Variants in GRHL2 observed in about 807,000 individuals in gnomAD.
GRHL2 encodes grainyhead like transcription factor 2.
A neutral mutation model predicts 83.8 loss-of-function variants in GRHL2; 21 were observed. That is an observed-to-expected ratio of 0.25 (90% CI 0.18 to 0.36). The LOEUF is 0.36. Among genes scored for constraint, GRHL2 ranks in the 10% least tolerant of loss-of-function variants. GRHL2 has a pLI of 1.00. For missense variants in GRHL2, 623 were observed against 781.8 expected (o/e 0.80, Z 2.42); for synonymous variants, 280 against 278.9 (o/e 1.00, Z -0.04).
At chr8:101,656,390 A>G (rs573354616) in intron 14 of GRHL2, among the ~76,000 whole-genome samples, 7 of 152,244 alleles carry the variant, frequency 4.6e-5, no homozygotes, top group Non-Finnish European at 8.8e-5. Flanking sequence ...ACTACTTTAC[A>G]GATGTAGAAA....
At chr8:101,543,654 A>C in intron 2 of GRHL2, 1 of 579,172 alleles carries the variant, frequency 1.7e-6, no homozygotes, top group South Asian at 2.0e-5. Flanking sequence ...TTTTGGGATA[A>C]TATTTTTTGT....
chr8:101,544,540 T>C (rs939234196), intron 2 of GRHL2, among the ~76,000 whole-genome samples: 2 of 152,208 alleles, frequency 1.3e-5, no homozygotes, highest in Admixed American at 1.3e-4. Context: ...TATTAAAGTA[T>C]AAAAAGTTGA....
rs559333812 is a variant in GRHL2 at position 101,501,632 on chromosome 8, G to A, written c.20+8843G>A. On this transcript the variant is annotated intron_variant, in intron 1 of 15. Transcript: ENST00000646743. The stretch of plus-strand genomic sequence containing the variant: ...GGGGCCTAGGGTGCGACAGCATGTG[G>A]CTGTTTGGCCTCCTAGATAATTGGT... 4.3e-4 allele frequency among the ~76,000 whole-genome samples: 66 copies of A among 152,268 alleles called. 1 individual carries two copies. Among genetic ancestry groups the A allele is most frequent in the African/African-American group, 1.5e-3 (64 of 41,554 alleles).
At chr8:101,534,449 T>C (rs769256754) in intron 1 of GRHL2, among the ~76,000 whole-genome samples, 1 of 152,056 alleles carries the variant, frequency 6.6e-6, no homozygotes, top group Non-Finnish European at 1.5e-5. Context: ...GGGAGAGACT[T>C]ACAAAGATGG....
chr8:101,642,392 A>C (rs1040656596), intron 12 of GRHL2, among the ~76,000 whole-genome samples: 62 of 152,234 alleles, frequency 4.1e-4, no homozygotes, highest in African/African-American at 1.5e-3. Flanking sequence ...TTGGTGAAAA[A>C]GAAAGTCACT....
Position 101,599,046 on chromosome 8 carries a change from T to A in GRHL2, c.1004-11T>A. ...CTCCTTTAAAAGCTTGTTCTTTTTT[T>A]AATGTTACAGCCGATTACAAGGAGA... is the stretch of plus-strand genomic sequence containing the variant. On this transcript the variant is annotated splice_polypyrimidine_tract_variant and intron_variant, in intron 7 of 15. Coordinates refer to ENST00000646743, the MANE Select transcript of GRHL2 (RefSeq NM_024915.4). 1 of 1,590,702 alleles carries A rather than the reference T, an allele frequency of 6.3e-7. No individual in the cohort carries two copies. Among genetic ancestry groups the A allele is most frequent in the Non-Finnish European group, 8.6e-7 (1 of 1,158,810 alleles).
At chr8:101,550,130 TA>T (rs1398009296) in intron 2 of GRHL2, among the ~76,000 whole-genome samples, 3 of 151,514 alleles carry the variant, frequency 2.0e-5, no homozygotes, top group Admixed American at 1.3e-4. Flanking sequence ...TATTTATTTT[TA>T]TTTTTTTTAA....
intron 14 of GRHL2, among the ~76,000 whole-genome samples, chr8:101,659,774 A>T (rs1224985181): frequency 6.6e-6 from 1 of 152,210 alleles, no homozygotes; most frequent in African/African-American, 2.4e-5. Context: ...GGGAGGAGTG[A>T]TGAAAGCTAT....
At chr8:101,525,790 A>T (rs1810791524) in intron 1 of GRHL2, among the ~76,000 whole-genome samples, 1 of 152,082 alleles carries the variant, frequency 6.6e-6, no homozygotes, top group Admixed American at 6.6e-5. Flanking sequence ...CCAACATGGT[A>T]AAACCCCACC....
At chr8:101,673,962 G>T (rs886201914), downstream of GRHL2, among the ~76,000 whole-genome samples, 1 of 152,050 alleles carries the variant, frequency 6.6e-6, no homozygotes, top group Non-Finnish European at 1.5e-5. Flanking sequence ...TGGCTACTGG[G>T]TACATAACGA....
intron 1 of GRHL2, among the ~76,000 whole-genome samples, chr8:101,513,346 A>C (rs778241209): frequency 5.9e-5 from 9 of 152,098 alleles, no homozygotes; most frequent in Non-Finnish European, 1.3e-4. Flanking sequence ...GCCTCCCAGC[A>C]TTATGGTGAG....
At chr8:101,546,586 T>C (rs541747477) in intron 2 of GRHL2, among the ~76,000 whole-genome samples, 2 of 152,084 alleles carry the variant, frequency 1.3e-5, no homozygotes, top group Non-Finnish European at 2.9e-5. Context: ...TTTTTGTATA[T>C]GTATTTTTAG....
At position 101,509,151 on chromosome 8, in the gene GRHL2, TTCCTTC is replaced by T. The variant is rs1563556128; in HGVS notation, c.20+16363_20+16368del. Among the ~76,000 whole-genome samples, 170 of 83,006 alleles carry T rather than the reference TTCCTTC, an allele frequency of 2.0e-3. 2 individuals are homozygous for T. Among genetic ancestry groups the T allele is most frequent in the African/African-American group, 5.0e-3 (155 of 31,234 alleles). 54.5% of individuals were successfully genotyped at this position (83,006 alleles called of 152,430 possible). ...CTTCCTTCCTTCCTTCCTTCCTTCC[TTCCTTC>T]CTTTCTTTCTTTCTTTTTCTTTCTT... On this transcript the variant is annotated intron_variant, in intron 1 of 15. Transcript: ENST00000646743.
intron 8 of GRHL2, among the ~76,000 whole-genome samples, chr8:101,615,237 T>A (rs746188181): frequency 2.6e-5 from 4 of 152,228 alleles, no homozygotes; most frequent in Non-Finnish European, 4.4e-5. Flanking sequence ...TAAGCAGTTA[T>A]TTCAGTGGAT....
At chr8:101,543,117 CT>C in intron 1 of GRHL2, 123 bp from the exon 2 acceptor site, 1 of 802,668 alleles carries the variant, frequency 1.2e-6, no homozygotes. Flanking sequence ...AACTTCTTCC[CT>C]TCCTTCTCCC....
chr8:101,666,801 C>T lies in GRHL2; in HGVS notation c.*98C>T, dbSNP rs1471131493. The T allele has an allele frequency of 3.9e-6, 3 of 764,718 alleles. No homozygotes were observed. The African/African-American group carries it at 5.1e-5, about 13-fold the overall frequency. 47.4% of individuals were successfully genotyped at this position (764,718 alleles called of 1,614,324 possible). ...CCAGAACCTGGAGACCCATCTCCCC[C>T]ATCTCACAACTGCTGTTACAAGACC... On this transcript the variant is annotated 3_prime_UTR_variant, in exon 16 of 16. Coordinates refer to ENST00000646743, the MANE Select transcript of GRHL2 (RefSeq NM_024915.4).
chr8:101,585,875 A>T (rs1223432124), intron 7 of GRHL2, among the ~76,000 whole-genome samples: 2 of 151,800 alleles, frequency 1.3e-5, no homozygotes, highest in Non-Finnish European at 2.9e-5. Flanking sequence ...AATCCTGGAA[A>T]CTCATTCTGT....
chr8:101,549,128 T>C (rs1413986923), intron 2 of GRHL2, among the ~76,000 whole-genome samples: 4 of 128,174 alleles, frequency 3.1e-5, no homozygotes, highest in African/African-American at 1.2e-4. Flanking sequence ...GGAGAAGGCA[T>C]GGGTGGTAGT....
At chr8:101,614,007 G>A (rs1254254484) in intron 8 of GRHL2, among the ~76,000 whole-genome samples, 2 of 150,914 alleles carry the variant, frequency 1.3e-5, no homozygotes, top group Non-Finnish European at 2.9e-5. Context: ...ATTGCTTTCT[G>A]AATCAAAGGT....
Sources: gnomAD v4.1 joint callset for allele counts (sites outside exome capture counted in the v4.1 genomes callset) on GRCh38, gnomAD v4.1.1 for gene constraint, MANE v1.5 for transcripts, NCBI Gene and HGNC (gene_info 2026-07-23, HGNC 2026-07-21) for gene names.